Variants in ITGB2 observed in about 807,000 individuals in gnomAD.
ITGB2 encodes the protein integrin subunit beta 2.
In ITGB2, 56 loss-of-function variants were observed where a neutral mutation model predicts 86.8. The observed-to-expected ratio is 0.65, with a 90% confidence interval of 0.52 to 0.81. The LOEUF is 0.81. Among genes scored for constraint, ITGB2 ranks in the 30% least tolerant of loss-of-function variants. The pLI is 0.00. For synonymous variants in ITGB2, 457 were observed against 450.4 expected (o/e 1.01, Z -0.19); for missense variants, 948 against 1,061.2 (o/e 0.89, Z 1.48).
At chr21:44,910,413 G>A (rs760315781) in intron 2 of ITGB2, 41 bp from the exon 3 acceptor site, 19 of 1,613,172 alleles carry the variant, frequency 1.2e-5, no homozygotes, top group African/African-American at 2.7e-5. Context: ...GCTCTGGGCC[G>A]CCCTGCCCAC....
In ITGB2 at chr21:44,888,841, G is replaced by A. The variant is rs776351244; in HGVS notation, c.1932C>T (p.Ser644=). The A allele has an allele frequency of 4.7e-5, 75 of 1,610,106 alleles. 2 individuals carry two copies. Among genetic ancestry groups the A allele is most frequent in the South Asian group, 4.2e-4 (38 of 91,090 alleles). The stretch of plus-strand genomic sequence containing the variant: ...ACAGCTGCAGGCCCGGACACGCCGC[G>A]CTGCAGTTCTTCCCAAAGGGGCCCT... ...FEKGPFGKNC[S]AACPGLQLSN... is the part of the protein sequence containing the mutation. Residue 644 remains serine, a synonymous_variant, in exon 14 of 16, where the codon AGC becomes AGT. Transcript: ENST00000652462.
chr21:44,918,263 G>T (rs769805006), intron 1 of ITGB2, among the ~76,000 whole-genome samples: 1 of 152,228 alleles, frequency 6.6e-6, no homozygotes, highest in Non-Finnish European at 1.5e-5. Flanking sequence ...GCAGGACCAC[G>T]GTTCTCTGAC....
chr21:44,908,110 C>T (rs745593643), intron 3 of ITGB2: 16 of 723,710 alleles, frequency 2.2e-5, no homozygotes, highest in Non-Finnish European at 3.6e-5. Flanking sequence ...CGAGGACAGA[C>T]GGGAGCCACC....
chr21:44,916,762 C>A (rs796496384), intron 1 of ITGB2, among the ~76,000 whole-genome samples: 3 of 150,688 alleles, frequency 2.0e-5, no homozygotes, highest in African/African-American at 7.3e-5. Flanking sequence ...CAGCTACTCG[C>A]GAGGCTGAGG....
In ITGB2 at chr21:44,891,872, C is replaced by T. The variant is rs764262758; in HGVS notation, c.1349G>A (p.Arg450Gln). The T allele has an allele frequency of 2.9e-5, 47 of 1,612,212 alleles. No individual in the cohort carries two copies. Among genetic ancestry groups the T allele is most frequent in the African/African-American group, 1.1e-4 (8 of 74,936 alleles). The part of the protein sequence containing the change: ...QVLPQCECRC[R>Q]DQSRDRSLCH... ...GAGGCTGCGGTCTCTGCTCTGGTCC[C>T]GGCACCGGCACTCACACTGGGGAAG... The change falls in exon 11 of 16, where the codon CGG (arginine) becomes CAG (glutamine). Residue 450 changes from arginine to glutamine, a missense_variant. Coordinates refer to ENST00000652462, the MANE Select transcript of ITGB2 (RefSeq NM_000211.5).
At chr21:44,898,047 G>A (rs562395076) in intron 8 of ITGB2, among the ~76,000 whole-genome samples, 3 of 144,230 alleles carry the variant, frequency 2.1e-5, no homozygotes, top group South Asian at 2.2e-4. Flanking sequence ...CATCCTACCC[G>A]ATGGGGGTGT....
In ITGB2 at chr21:44,896,510, G is replaced by A. The variant is rs977726518; in HGVS notation, c.994-1450C>T. Among the ~76,000 whole-genome samples the A allele has an allele frequency of 3.5e-5, 5 of 142,082 alleles. No individual in the cohort carries two copies. The South Asian group carries it at 1.0e-3, about 29-fold the overall frequency. The allele number at this position is 142,082 out of a possible 152,430, so 93.2% of individuals were successfully genotyped here. ...GAGCAGATGGTCGGGTCACCTCCCC[G>A]CCCAAACCCTCCCATGACTGCCCTG... On this transcript the variant is annotated intron_variant, in intron 8 of 15. Coordinates refer to ENST00000652462, the MANE Select transcript of ITGB2 (RefSeq NM_000211.5).
chr21:44,914,405 G>C (rs574915369), intron 1 of ITGB2: 1 of 152,414 alleles, frequency 6.6e-6, no homozygotes, highest in Non-Finnish European at 1.5e-5. Context: ...GGACCAGGGG[G>C]ACGAGGTCAT....
intron 13 of ITGB2, 127 bp downstream of exon 13, chr21:44,889,149 A>G (rs1601282001): frequency 1.1e-6 from 1 of 919,234 alleles, no homozygotes; most frequent in East Asian, 2.6e-5. Context: ...CCCTCAGTCC[A>G]GACGCACCCG....
Position 44,910,800 on chromosome 21 carries a change from G to T in ITGB2, c.-3-15C>A, listed in dbSNP as rs369246157. The T allele has an allele frequency of 2.5e-5, 40 of 1,611,596 alleles. No individual in the cohort carries two copies. In the African/African-American group the frequency reaches 4.0e-4, roughly 16 times the overall value. On this transcript the variant is annotated splice_polypyrimidine_tract_variant and intron_variant, in intron 1 of 15. Coordinates refer to ENST00000652462, the MANE Select transcript of ITGB2 (RefSeq NM_000211.5). ...CCCAGCATGTCCTGTGGAGGGAAGG[G>T]GTCTTGGTGACGGTCTCAGGCCCAA... is the stretch of plus-strand genomic sequence containing the variant.
rs769522397 is a variant in ITGB2 at position 44,906,931 on chromosome 21, C to A, written c.312G>T (p.Thr104=). ...CAAGCCTACCTGGTCGCAGGTAAAG[C>A]GTCACTTTTTGTGGGGACAGCTGCT... is the stretch of plus-strand genomic sequence containing the variant. The part of the protein sequence containing the change: ...GQKQLSPQKV[T]LYLRPGQAAA... The change falls in exon 4 of 16, where the codon ACG becomes ACT. Residue 104 remains threonine (T), a synonymous_variant. Coordinates refer to ENST00000652462, the MANE Select transcript of ITGB2 (RefSeq NM_000211.5). 1 of 1,614,202 alleles carries A rather than the reference C, an allele frequency of 6.2e-7. No homozygotes were observed.
intron 8 of ITGB2, among the ~76,000 whole-genome samples, chr21:44,895,552 A>C (rs1363020104): frequency 6.6e-6 from 1 of 151,728 alleles, no homozygotes; most frequent in Non-Finnish European, 1.5e-5. Context: ...CAAAACAAAA[A>C]AAACCCAGGC....
chr21:44,911,218 T>A (rs1383948060), intron 1 of ITGB2: 1 of 279,174 alleles, frequency 3.6e-6, no homozygotes, highest in Non-Finnish European at 7.1e-6. Context: ...ATACACCCCT[T>A]ACCCACACCA....
intron 1 of ITGB2, among the ~76,000 whole-genome samples, chr21:44,918,969 T>G (rs2084252136): frequency 6.6e-6 from 1 of 152,116 alleles, no homozygotes; most frequent in African/African-American, 2.4e-5. Flanking sequence ...GAGCTGAGCG[T>G]CCCCTCTCCC....
chr21:44,906,814 C>T lies in ITGB2; in HGVS notation c.328+101G>A. ...ACACCCGTCCGACCCGGACACATGC[C>T]TTCTGGGCAGCCCTGACACCCCAGA... On this transcript the variant is annotated intron_variant, in intron 4 of 15. Coordinates refer to ENST00000652462, the MANE Select transcript of ITGB2 (RefSeq NM_000211.5). 8 of 1,321,644 alleles carry T rather than the reference C, an allele frequency of 6.1e-6. No homozygotes were observed. The South Asian group carries it at 9.6e-5, about 16-fold the overall frequency. The allele number at this position is 1,321,644 out of a possible 1,614,324, so 81.9% of individuals were successfully genotyped here.
At chr21:44,898,779 T>C (rs1035386708) in intron 8 of ITGB2, among the ~76,000 whole-genome samples, 1 of 152,254 alleles carries the variant, frequency 6.6e-6, no homozygotes, top group Non-Finnish European at 1.5e-5. Context: ...TAAAGAATTG[T>C]GTTGTATTCC....
chr21:44,894,823 A>G, intron 9 of ITGB2, 148 bp downstream of exon 9: 1 of 699,288 alleles, frequency 1.4e-6, no homozygotes, highest in South Asian at 1.5e-5. Context: ...TGGAGGCCTG[A>G]GGGCAGGTCG....
upstream of ITGB2, among the ~76,000 whole-genome samples, chr21:44,922,019 C>T (rs557400665): frequency 5.3e-5 from 8 of 152,318 alleles, no homozygotes; most frequent in East Asian, 5.8e-4. Flanking sequence ...CCATGGCTCC[C>T]GGCTCCTAAA....
chr21:44,901,393 G>A (rs969216949), intron 6 of ITGB2, 99 bp downstream of exon 6: 66 of 1,466,130 alleles, frequency 4.5e-5, no homozygotes, highest in Admixed American at 1.0e-4. Context: ...TCCCTCAGAC[G>A]ACCTGCCGGC....
Sources: allele counts gnomAD v4.1 joint callset (sites outside exome capture counted in the v4.1 genomes callset), GRCh38; gene constraint gnomAD v4.1.1; transcripts MANE v1.5; gene names NCBI Gene and HGNC (gene_info 2026-07-23, HGNC 2026-07-21).